RBFOX3: variants seen among roughly 807,000 people sequenced by gnomAD.
RBFOX3 encodes RNA binding protein fox-1 homolog 3.
In RBFOX3, 17 loss-of-function variants were observed where a neutral mutation model predicts 48.7. That is an observed-to-expected ratio of 0.35 (90% CI 0.24 to 0.52). The LOEUF is 0.52. Ranked by LOEUF, RBFOX3 falls within the 20% of genes least tolerant of loss-of-function variation. The pLI is 0.94. For synonymous variants in RBFOX3, 212 were observed against 209.5 expected (o/e 1.01, Z -0.10); for missense variants, 382 against 497.5 (o/e 0.77, Z 2.21).
At chr17:79,188,623 G>A (rs375774328) in intron 4 of RBFOX3, among the ~76,000 whole-genome samples, 2 of 152,324 alleles carry the variant, frequency 1.3e-5, no homozygotes, top group Non-Finnish European at 2.9e-5. Context: ...CCCAGGAGCC[G>A]GAGGAATGCG....
At chr17:79,356,364 T>TGTTTTTG (rs1568100953) in intron 2 of RBFOX3, among the ~76,000 whole-genome samples, 1 of 91,088 alleles carries the variant, frequency 1.1e-5, no homozygotes, top group Admixed American at 1.3e-4. Flanking sequence ...TTTTTTTTTT[T>TGTTTTTG]TTTTTTTTTT....
intron 8 of RBFOX3, among the ~76,000 whole-genome samples, chr17:79,102,343 C>T (rs2076600269): frequency 6.6e-6 from 1 of 152,208 alleles, no homozygotes; most frequent in African/African-American, 2.4e-5. Flanking sequence ...CTGCGTCCTC[C>T]ATTGAGCCCC....
At chr17:79,170,129 A>AGGAC (rs2145695392) in intron 4 of RBFOX3, among the ~76,000 whole-genome samples, 1 of 145,192 alleles carries the variant, frequency 6.9e-6, no homozygotes, top group Non-Finnish European at 1.5e-5. Context: ...GAAGGAAGGA[A>AGGAC]GGAGGAAGGA....
intron 4 of RBFOX3, among the ~76,000 whole-genome samples, chr17:79,134,602 G>C (rs2707027): frequency 0.32 from 48,677 of 152,164 alleles, 8,125 homozygotes; most frequent in South Asian, 0.39. Flanking sequence ...TAGAAATGCA[G>C]ATTCCTGGGC....
At chr17:79,142,001 C>T (rs527982273) in intron 4 of RBFOX3, among the ~76,000 whole-genome samples, 8 of 152,320 alleles carry the variant, frequency 5.3e-5, no homozygotes, top group African/African-American at 1.4e-4. Context: ...GGGCCCAGGA[C>T]GGGATCCTTG....
intron 2 of RBFOX3, among the ~76,000 whole-genome samples, chr17:79,474,011 C>T (rs772003119): frequency 4.5e-4 from 69 of 152,192 alleles, no homozygotes; most frequent in Non-Finnish European, 5.0e-4. Context: ...CCTTGCAAAT[C>T]GGGTAAAAGA....
intron 4 of RBFOX3, among the ~76,000 whole-genome samples, chr17:79,215,972 T>G (rs2612753): frequency 0.49 from 75,009 of 152,136 alleles, 19,927 homozygotes; most frequent in Non-Finnish European, 0.58. Flanking sequence ...TTTAACCCGA[T>G]AGCCTTGCAA....
At chr17:79,389,564 C>T (rs186007966) in intron 2 of RBFOX3, among the ~76,000 whole-genome samples, 3 of 152,332 alleles carry the variant, frequency 2.0e-5, no homozygotes, top group Non-Finnish European at 4.4e-5. Flanking sequence ...ACTGAGTCCC[C>T]CACCCTGCCT....
At chr17:79,134,680 T>C (rs771578126) in intron 4 of RBFOX3, among the ~76,000 whole-genome samples, 26 of 152,248 alleles carry the variant, frequency 1.7e-4, no homozygotes, top group Non-Finnish European at 2.6e-4. Flanking sequence ...CTGAAGCCAG[T>C]TGGCACCCTG....
chr17:79,466,546 A>G (rs1248219363), intron 2 of RBFOX3, among the ~76,000 whole-genome samples: 5 of 152,160 alleles, frequency 3.3e-5, no homozygotes, highest in African/African-American at 1.2e-4. Context: ...GCCCTTCTGG[A>G]GACCACAGGG....
rs1285436415 is a variant in RBFOX3 at position 79,184,128 on chromosome 17, T to TCTAC, written c.-34+51634_-34+51637dup. On this transcript the variant is annotated intron_variant, in intron 4 of 14. Transcript: ENST00000693108. ...ATGTCGGTGATGTAATCCGAGGGCATCTACGCAGAGGCTTCCGCGCTGGGG... is the reference window on the plus strand; with the variant it reads ...ATGTCGGTGATGTAATCCGAGGGCATCTACCTACGCAGAGGCTTCCGCGCTGGGG... 4.2e-4 allele frequency among the ~76,000 whole-genome samples: 64 copies of TCTAC among 152,296 alleles called. 1 individual carries two copies. Among genetic ancestry groups the TCTAC allele is most frequent in the Admixed American group, 1.5e-3 (23 of 15,310 alleles).
chr17:79,562,931 C>T (rs1348767613), intron 1 of RBFOX3, among the ~76,000 whole-genome samples: 3 of 152,224 alleles, frequency 2.0e-5, no homozygotes, highest in East Asian at 3.8e-4. Context: ...CTGCAGAGCA[C>T]GGCTCTGCTG....
intron 1 of RBFOX3, among the ~76,000 whole-genome samples, chr17:79,561,702 C>A (rs2092230991): frequency 1.3e-5 from 2 of 152,152 alleles, no homozygotes; most frequent in South Asian, 4.1e-4. Flanking sequence ...GCAAAAGGAG[C>A]CCTCCCTTCA....
In RBFOX3 at chr17:79,098,314, C is replaced by T. The variant is rs541411005; in HGVS notation, c.569-569G>A. 2.2e-4 allele frequency: 34 copies of T among 154,230 alleles called. No homozygotes were observed. The South Asian group carries it at 5.9e-3, about 27-fold the overall frequency. The allele number at this position is 154,230 out of a possible 1,614,324, so 9.6% of individuals were successfully genotyped here. A position where few individuals can be genotyped will look rare whatever the true frequency, so the allele number is the denominator to read the frequency against. On this transcript the variant is annotated intron_variant, in intron 9 of 14. Transcript: ENST00000693108. ...CTCATCTTCCCCCAGAGCGGCTGTC[C>T]GGGAGGGTGGCCTGGGAGCAGGTCG...
At chr17:79,576,436 C>T (rs992262503) in intron 1 of RBFOX3, among the ~76,000 whole-genome samples, 2 of 147,294 alleles carry the variant, frequency 1.4e-5, no homozygotes, top group Non-Finnish European at 3.0e-5. Context: ...ATGAAGAAGA[C>T]GGAGATGATG....
At chr17:79,224,951 A>C (rs2060142249) in intron 4 of RBFOX3, among the ~76,000 whole-genome samples, 1 of 152,254 alleles carries the variant, frequency 6.6e-6, no homozygotes, top group Non-Finnish European at 1.5e-5. Context: ...AAGAATAAGA[A>C]TTTGATCATC....
chr17:79,626,168 G>A, the RBFOX3 span, among the ~76,000 whole-genome samples: 1 of 152,134 alleles, frequency 6.6e-6, no homozygotes, highest in Non-Finnish European at 1.5e-5. Context: ...TGGGGGCAAG[G>A]AGATGCAGGG....
At chr17:79,340,322 A>AAAAC (rs1234763088) in intron 2 of RBFOX3, among the ~76,000 whole-genome samples, 18,182 of 140,594 alleles carry the variant, frequency 0.13, 1,897 homozygotes, top group Non-Finnish European at 0.21. Context: ...AAAAACAAAA[A>AAAAC]CAAAACTCTC....
chr17:79,223,240 G>A lies in RBFOX3; in HGVS notation c.-34+12526C>T, dbSNP rs575602033. Among the ~76,000 whole-genome samples the A allele has an allele frequency of 7.2e-5, 11 of 152,108 alleles. No homozygotes were observed. The South Asian group carries it at 1.2e-3, about 17-fold the overall frequency. On this transcript the variant is annotated intron_variant, in intron 4 of 14. Coordinates refer to ENST00000693108, the MANE Select transcript of RBFOX3 (RefSeq NM_001350451.2). Reference sequence around the variant, plus strand: ...TGCCTGTGTATCTGTACACACACACGGTCCCCCTACACACACACAGCTGCA... The same window carrying A: ...TGCCTGTGTATCTGTACACACACACAGTCCCCCTACACACACACAGCTGCA...
Sources: allele counts gnomAD v4.1 joint callset (sites outside exome capture counted in the v4.1 genomes callset), GRCh38; gene constraint gnomAD v4.1.1; transcripts MANE v1.5; gene names NCBI Gene and HGNC (gene_info 2026-07-23, HGNC 2026-07-21).